Variants in DYNC2H1 observed in about 807,000 individuals in gnomAD.
The protein encoded by DYNC2H1 is cytoplasmic dynein 2 heavy chain 1.
DYNC2H1 carries 410 observed loss-of-function variants against 570.0 expected under a neutral mutation model. The ratio of observed to expected loss-of-function variants is 0.72; its 90% confidence interval spans 0.66 to 0.78. The LOEUF (loss-of-function observed/expected upper bound fraction) is 0.78, where lower values mean the gene tolerates loss of function less well. Among genes scored for constraint, DYNC2H1 ranks in the 30% least tolerant of loss-of-function variants. The pLI, the probability that DYNC2H1 is intolerant of heterozygous loss-of-function variation, is 0.00. For missense variants in DYNC2H1, 4,865 were observed against 5,046.4 expected (o/e 0.96, Z 1.09); for synonymous variants, 1,688 against 1,677.6 (o/e 1.01, Z -0.15).
At chr11:103,192,069 C>T (rs746366356) in intron 46 of DYNC2H1, 28 bp from the exon 47 acceptor site, 22 of 1,415,410 alleles carry the variant, frequency 1.6e-5, no homozygotes, top group African/African-American at 1.1e-4. Flanking sequence ...CATTATATTA[C>T]AATTAAATAA....
chr11:103,390,595 A>T (rs1196283728), intron 83 of DYNC2H1, among the ~76,000 whole-genome samples: 1 of 152,272 alleles, frequency 6.6e-6, no homozygotes, highest in East Asian at 1.9e-4. Context: ...CCTAGCCTTG[A>T]TGGGCTTTAC....
intron 84 of DYNC2H1, among the ~76,000 whole-genome samples, chr11:103,412,845 G>T (rs910481375): frequency 6.6e-6 from 1 of 152,154 alleles, no homozygotes; most frequent in African/African-American, 2.4e-5. Flanking sequence ...TGAGATGTAT[G>T]AAGTTAATAT....
chr11:103,299,409 A>G lies in DYNC2H1; in HGVS notation c.11096-3684A>G, dbSNP rs894416336. The stretch of plus-strand genomic sequence containing the variant: ...AGGTCAGAAACCTGATGGGCTCACC[A>G]GGTTTCTTTGCTCCAAGTTTTGGAA... On this transcript the variant is annotated intron_variant, in intron 75 of 88. Coordinates refer to ENST00000375735, the MANE Select transcript of DYNC2H1 (RefSeq NM_001377.3). The surrounding 1 kb of genome is among the most constrained non-coding windows in gnomAD (Gnocchi z 4.5). Among the ~76,000 whole-genome samples the G allele has an allele frequency of 3.3e-5, 5 of 152,084 alleles. No homozygotes were observed. Among genetic ancestry groups the G allele is most frequent in the Admixed American group, 6.6e-5 (1 of 15,240 alleles).
chr11:103,454,298 T>G (rs1336346608), intron 85 of DYNC2H1, among the ~76,000 whole-genome samples: 1 of 152,162 alleles, frequency 6.6e-6, no homozygotes, highest in Non-Finnish European at 1.5e-5. Context: ...TTTTAATCGC[T>G]GACATTACTA....
Position 103,192,142 on chromosome 11 carries a change from A to T in DYNC2H1, c.7586A>T (p.Tyr2529Phe). 2 of 1,558,802 alleles carry T rather than the reference A, an allele frequency of 1.3e-6. No individual in the cohort carries two copies. The highest frequency in any genetic ancestry group is 1.7e-6 in the Non-Finnish European group (2 of 1,148,482). ...PLDYVLEIVA[Y>F]EARRLFRDKI... ...GATTATGTGTTAGAAATTGTAGCAT[A>T]TGAGGCACGGCGCTTATTTCGTGAC... The change falls in exon 47 of 89, where the codon TAT becomes TTT. Residue 2529 changes from tyrosine (Y) to phenylalanine (F), a missense_variant. Transcript: ENST00000375735.
intron 83 of DYNC2H1, among the ~76,000 whole-genome samples, chr11:103,360,841 T>C (rs1940601911): frequency 6.6e-6 from 1 of 152,132 alleles, no homozygotes; most frequent in Non-Finnish European, 1.5e-5. Flanking sequence ...TTGCAGATGC[T>C]GTGGGTGGAA....
Position 103,395,492 on chromosome 11 carries a change from T to TACACACAC in DYNC2H1, c.12157-4154_12157-4147dup, listed in dbSNP as rs35986938. On this transcript the variant is annotated intron_variant, in intron 83 of 88. Coordinates refer to ENST00000375735, the MANE Select transcript of DYNC2H1 (RefSeq NM_001377.3). This position sits in a 1 kb window ranked among gnomAD's most constrained non-coding sequence, Gnocchi z 4.3. ...TATCATATATATATTTATGTATATGTACACACACACACACACACACACACT... is the reference window on the plus strand; with the variant it reads ...TATCATATATATATTTATGTATATGTACACACACACACACACACACACACACACACACT... Among the ~76,000 whole-genome samples, 1,019 of 149,928 alleles carry TACACACAC rather than the reference T, an allele frequency of 6.8e-3. 11 individuals are homozygous for TACACACAC. The highest frequency in any genetic ancestry group is 0.024 in the African/African-American group (966 of 40,804).
intron 52 of DYNC2H1, among the ~76,000 whole-genome samples, chr11:103,206,510 AAG>A (rs1238718122): frequency 6.6e-6 from 1 of 152,172 alleles, no homozygotes; most frequent in Admixed American, 6.6e-5. Flanking sequence ...GAATAAACAA[AAG>A]AGAGCAGCAA....
Position 103,113,566 on chromosome 11 carries a change from G to T in DYNC2H1, c.225G>T (p.Val75=). The part of the protein sequence containing the change: ...TIEFGDTKDK[V]LVFFKLRPEV... The stretch of plus-strand genomic sequence containing the variant: ...AGTTTGGTGACACAAAAGATAAAGT[G>T]CTGGTGTTTTTCAAGCTGCGACCTG... The change falls in exon 2 of 89, where the codon GTG becomes GTT. Residue 75 remains valine, a synonymous_variant. Coordinates refer to ENST00000375735, the MANE Select transcript of DYNC2H1 (RefSeq NM_001377.3). 6.3e-7 allele frequency: 1 copy of T among 1,576,024 alleles called. No individual in the cohort carries two copies. Among genetic ancestry groups the T allele is most frequent in the Non-Finnish European group, 8.6e-7 (1 of 1,166,378 alleles).
chr11:103,255,485 A>G lies in DYNC2H1; in HGVS notation c.10277A>G (p.Glu3426Gly). 6.4e-7 allele frequency: 1 copy of G among 1,566,706 alleles called. No homozygotes were observed. Among genetic ancestry groups the G allele is most frequent in the Non-Finnish European group, 8.7e-7 (1 of 1,154,510 alleles). ...EEQKTKLLQQ[E>G]EDKKIQLAKL... ...CAGAAAACAAAACTATTACAACAGG[A>G]AGAAGATAAGAAAATACAGCTAGCC... The change falls in exon 67 of 89, where the codon GAA (glutamate) becomes GGA (glycine). Residue 3426 changes from glutamate to glycine, a missense_variant. This residue lies in a region of DYNC2H1 where 2,401 missense variants were observed against 2,454.6 expected (regional missense o/e 0.98). Transcript: ENST00000375735.
intron 80 of DYNC2H1, among the ~76,000 whole-genome samples, chr11:103,320,746 C>T (rs932832011): frequency 6.6e-6 from 1 of 152,048 alleles, no homozygotes; most frequent in Non-Finnish European, 1.5e-5. Flanking sequence ...ATTTTGGTGC[C>T]TCAGCCTCCC....
At chr11:103,116,273 C>T (rs968392081) in intron 4 of DYNC2H1, among the ~76,000 whole-genome samples, 1 of 151,822 alleles carries the variant, frequency 6.6e-6, no homozygotes. Flanking sequence ...GTTGAGATAA[C>T]CTTTAATGGG....
At chr11:103,238,617 G>A (rs1335874412) in intron 63 of DYNC2H1, among the ~76,000 whole-genome samples, 4 of 151,714 alleles carry the variant, frequency 2.6e-5, no homozygotes, top group Non-Finnish European at 5.9e-5. Flanking sequence ...CAATGCTAAA[G>A]CTTTTCTGAG....
intron 75 of DYNC2H1, among the ~76,000 whole-genome samples, chr11:103,298,648 T>C (rs1866931894): frequency 6.6e-6 from 1 of 152,176 alleles, no homozygotes. Context: ...ATTGTTTTAA[T>C]GTAAAATTGG....
At chr11:103,411,777 CTTAA>C (rs1315361225) in intron 84 of DYNC2H1, among the ~76,000 whole-genome samples, 3 of 151,732 alleles carry the variant, frequency 2.0e-5, no homozygotes, top group South Asian at 4.2e-4. Context: ...TGGCTTATTT[CTTAA>C]TTAACATGTA....
chr11:103,380,910 G>A (rs1052335351), intron 83 of DYNC2H1, among the ~76,000 whole-genome samples: 1 of 152,284 alleles, frequency 6.6e-6, no homozygotes, highest in East Asian at 1.9e-4. Flanking sequence ...CAGGGAAAAG[G>A]AAATACCTGC....
Position 103,282,207 on chromosome 11 carries a change from T to C in DYNC2H1, c.10790T>C (p.Val3597Ala). The C allele has an allele frequency of 6.2e-7, 1 of 1,608,876 alleles. No individual in the cohort carries two copies. Among genetic ancestry groups the C allele is most frequent in the Non-Finnish European group, 8.5e-7 (1 of 1,177,732 alleles). The change falls in exon 72 of 89, where the codon GTT (valine) becomes GCT (alanine). Residue 3597 changes from valine to alanine, a missense_variant. By Grantham distance (64) the Val-to-Ala change is moderately conservative. Transcript: ENST00000375735. The part of the protein sequence containing the change: ...NEWDTFTGVV[V>A]GDMLRKADSQ... ...TGGGATACGTTTACAGGTGTGGTTG[T>C]TGGAGACATGTTACGGAAAGCTGTA...
chr11:103,134,014 C>G (rs993324880), intron 14 of DYNC2H1, among the ~76,000 whole-genome samples: 1 of 152,066 alleles, frequency 6.6e-6, no homozygotes. Context: ...TTTAGCCTCC[C>G]CTCCTCAGTC....
intron 34 of DYNC2H1, 127 bp from the exon 35 acceptor site, chr11:103,172,955 T>C: frequency 2.6e-6 from 1 of 387,164 alleles, no homozygotes; most frequent in Non-Finnish European, 3.9e-6. Context: ...TGTAGTAATA[T>C]GTCACAATAA....
Sources: allele counts gnomAD v4.1 joint callset (sites outside exome capture counted in the v4.1 genomes callset), GRCh38; gene constraint gnomAD v4.1.1; regional missense constraint gnomAD v4.1.1; non-coding constraint Gnocchi (gnomAD v3.1); transcripts MANE v1.5; gene names NCBI Gene and HGNC (gene_info 2026-07-23, HGNC 2026-07-21).